Variants in MFN1 observed in about 807,000 individuals in gnomAD.
The protein encoded by MFN1 is mitofusin-1.
Under a neutral mutation model 92.4 loss-of-function variants are expected in MFN1, and 65 were observed. The ratio of observed to expected loss-of-function variants is 0.70; its 90% CI spans 0.58 to 0.86. The LOEUF is 0.86. Ranked by LOEUF, MFN1 falls within the 40% of genes least tolerant of loss-of-function variation. The pLI is 0.00. For missense variants in MFN1, 781 were observed against 868.0 expected, an observed-to-expected ratio of 0.90 and a Z score of 1.26; for synonymous variants, 297 against 300.9, an observed-to-expected ratio of 0.99 and a Z score of 0.13.
Position 179,386,449 on chromosome 3 carries a change from G to C in MFN1, c.1832G>C (p.Gly611Ala). 6.2e-7 allele frequency: 1 copy of C among 1,612,136 alleles called. No homozygotes were observed. The highest frequency in any genetic ancestry group is 8.5e-7 in the Non-Finnish European group (1 of 1,179,442). Residue 611 changes from glycine (G) to alanine (A), a missense_variant, in exon 16 of 18, where the codon GGC becomes GCC. Physicochemically the swap from Gly to Ala is moderately conservative, Grantham distance 60. Coordinates refer to ENST00000471841, the MANE Select transcript of MFN1 (RefSeq NM_033540.3). ...IVGGVIWKTI[G>A]WKLLSVSLTM... The stretch of plus-strand genomic sequence containing the variant: ...ATCTTACAGATTTGGAAAACTATAG[G>C]CTGGAAACTCCTATCTGTTTCATTA...
intron 6 of MFN1, 48 bp downstream of exon 6, chr3:179,364,453 G>T (rs763026269): frequency 5.8e-6 from 8 of 1,386,356 alleles, no homozygotes; most frequent in Non-Finnish European, 8.2e-6. Flanking sequence ...AAATGAAATG[G>T]TATCTGTTTT....
intron 1 of MFN1, 131 bp from the exon 2 acceptor site, chr3:179,348,714 G>C (rs1712018521): frequency 1.5e-6 from 2 of 1,373,594 alleles, no homozygotes; most frequent in Non-Finnish European, 1.9e-6. Flanking sequence ...TCCCAAAAAA[G>C]AATTACCTAA....
Position 179,362,424 on chromosome 3 carries a change from G to C in MFN1, c.478G>C (p.Val160Leu). 1.9e-6 allele frequency: 3 copies of C among 1,613,820 alleles called. No homozygotes were observed. The highest frequency in any genetic ancestry group is 2.5e-6 in the Non-Finnish European group (3 of 1,179,972). The change falls in exon 5 of 18, where the codon GTG becomes CTG. Residue 160 changes from valine to leucine, a missense_variant. Coordinates refer to ENST00000471841, the MANE Select transcript of MFN1 (RefSeq NM_033540.3). ...KDLKAGCLVR[V>L]FWPKAKCALL... is the part of the protein sequence containing the mutation. ...TTTGAAAGCTGGCTGTCTTGTACGT[G>C]TGTTTTGGCCAAAAGCAAAATGTGC...
intron 7 of MFN1, 92 bp from the exon 8 acceptor site, chr3:179,367,347 T>A: frequency 1.9e-6 from 2 of 1,049,124 alleles, no homozygotes; most frequent in South Asian, 4.3e-5. Context: ...TTTTATTATA[T>A]CACTGTGAAT....
intron 9 of MFN1, among the ~76,000 whole-genome samples, chr3:179,371,017 GCTTA>G (rs1361519455): frequency 6.6e-6 from 1 of 152,112 alleles, no homozygotes. Flanking sequence ...TTGGGGATTT[GCTTA>G]CTTTTTTTTG....
chr3:179,384,476 T>G (rs538046210), intron 14 of MFN1, among the ~76,000 whole-genome samples: 3,897 of 152,292 alleles, frequency 0.026, 185 homozygotes, highest in African/African-American at 0.089. Flanking sequence ...TTCAAAGCTT[T>G]TACCTATTTT....
In MFN1 at chr3:179,394,083, A is replaced by C. The variant is rs1714003814; in HGVS notation, c.*2024A>C. On this transcript the variant is annotated 3_prime_UTR_variant, in exon 18 of 18. Transcript: ENST00000471841. Reference sequence around the variant, plus strand: ...GGCTGGTCTTGAACTCACAGACTCAAGTGATCCTTTTACCTCAGCCTCCCA... The same window carrying C: ...GGCTGGTCTTGAACTCACAGACTCACGTGATCCTTTTACCTCAGCCTCCCA... The C allele has an allele frequency of 1.3e-5, 2 of 152,198 alleles. No individual in the cohort carries two copies. Among genetic ancestry groups the C allele is most frequent in the Non-Finnish European group, 2.9e-5 (2 of 68,066 alleles). 9.4% of individuals were successfully genotyped at this position (152,198 alleles called of 1,614,324 possible).
rs1711972383 is a variant in MFN1, at chr3:179,347,813, G to C, written c.-8+3G>C. On this transcript the variant is annotated splice_donor_region_variant and intron_variant, in intron 1 of 17. Transcript: ENST00000471841. Reference sequence around the variant, plus strand: ...GGGTGATAGTTGGAGCGGAGACTGTGAGTGCCGGCTGCCTCGACAGCACGT... The same window carrying C: ...GGGTGATAGTTGGAGCGGAGACTGTCAGTGCCGGCTGCCTCGACAGCACGT... The C allele has an allele frequency of 6.6e-6, 1 of 152,378 alleles. No homozygotes were observed. Among genetic ancestry groups the C allele is most frequent in the Admixed American group, 6.5e-5 (1 of 15,294 alleles). The allele number at this position is 152,378 out of a possible 1,614,324, so 9.4% of individuals were successfully genotyped here. A position where few individuals can be genotyped will look rare whatever the true frequency, so the allele number is the denominator to read the frequency against.
rs1712836606 is a variant in MFN1, at chr3:179,367,401, A to C, written c.754-38A>C. 4 of 1,563,510 alleles carry C rather than the reference A, an allele frequency of 2.6e-6. No individual in the cohort carries two copies. In the South Asian group the frequency reaches 4.7e-5, roughly 18 times the overall value. ...TAGTCGTTGGTTATTATATTTGTTTAAATTATTAGAATTCTTTTAATACCG... is the reference window on the plus strand; with the variant it reads ...TAGTCGTTGGTTATTATATTTGTTTCAATTATTAGAATTCTTTTAATACCG... On this transcript the variant is annotated intron_variant, in intron 7 of 17. Transcript: ENST00000471841.
chr3:179,369,949 A>C (rs1247572503), intron 9 of MFN1, among the ~76,000 whole-genome samples: 2 of 152,200 alleles, frequency 1.3e-5, no homozygotes, highest in Non-Finnish European at 2.9e-5. Flanking sequence ...TTAGAGTTTG[A>C]AAATTTTAAG....
At chr3:179,356,103 A>T (rs1333927882) in intron 3 of MFN1, among the ~76,000 whole-genome samples, 1 of 152,236 alleles carries the variant, frequency 6.6e-6, no homozygotes, top group Non-Finnish European at 1.5e-5. Context: ...TCTTGTTTTC[A>T]TAATGAGCCC....
intron 9 of MFN1, among the ~76,000 whole-genome samples, chr3:179,374,198 G>C (rs556755526): frequency 6.6e-6 from 1 of 151,012 alleles, no homozygotes; most frequent in African/African-American, 2.4e-5. Context: ...AGCTACTTGG[G>C]AGGCTAAAGT....
chr3:179,391,119 G>C (rs1016051144), intron 17 of MFN1, among the ~76,000 whole-genome samples: 2 of 149,756 alleles, frequency 1.3e-5, no homozygotes, highest in Admixed American at 6.6e-5. Flanking sequence ...AAACTGTGCA[G>C]TAGAAATTGG....
chr3:179,363,957 T>C (rs1262036910), intron 5 of MFN1, among the ~76,000 whole-genome samples: 1 of 152,154 alleles, frequency 6.6e-6, no homozygotes, highest in Non-Finnish European at 1.5e-5. Context: ...CCTAGTACAG[T>C]TGGTATATTA....
At chr3:179,380,971 C>G (rs1713443452) in intron 14 of MFN1, among the ~76,000 whole-genome samples, 1 of 152,128 alleles carries the variant, frequency 6.6e-6, no homozygotes, top group Non-Finnish European at 1.5e-5. Context: ...CTTCAGAGTC[C>G]ATCCGTAAGC....
intron 9 of MFN1, 27 bp from the exon 10 acceptor site, chr3:179,375,193 A>C (rs1577011541): frequency 6.3e-7 from 1 of 1,583,356 alleles, no homozygotes; most frequent in African/African-American, 1.4e-5. Flanking sequence ...AATTACAGTA[A>C]TGTGTTACGG....
chr3:179,385,707 A>C lies in MFN1; in HGVS notation c.1801A>C (p.Ile601Leu), dbSNP rs1156286208. The C allele has an allele frequency of 4.3e-6, 7 of 1,613,064 alleles. No individual in the cohort carries two copies. The East Asian group carries it at 1.6e-4, about 36-fold the overall frequency. Reference protein sequence around the residue: ...VTSRTSMGIIIVGGVIWKTIG... With the variant: ...VTSRTSMGIILVGGVIWKTIG... ...ATCTAGAACTTCTATGGGCATCATTATTGTTGGAGGAGTGGTAAGAAACAT... is the reference window on the plus strand; with the variant it reads ...ATCTAGAACTTCTATGGGCATCATTCTTGTTGGAGGAGTGGTAAGAAACAT... The change falls in exon 15 of 18, where the codon ATT (isoleucine) becomes CTT (leucine). Residue 601 changes from isoleucine (I) to leucine (L), a missense_variant. Transcript: ENST00000471841.
At chr3:179,349,083 C>T in intron 2 of MFN1, 120 bp downstream of exon 2, 1 of 689,168 alleles carries the variant, frequency 1.5e-6, no homozygotes, top group Non-Finnish European at 2.2e-6. Flanking sequence ...ATGAGAAGTA[C>T]CATAATGAAT....
At chr3:179,352,980 G>T (rs1201465155) in intron 3 of MFN1, among the ~76,000 whole-genome samples, 1 of 151,824 alleles carries the variant, frequency 6.6e-6, no homozygotes, top group African/African-American at 2.4e-5. Context: ...TTGAACTCCT[G>T]ACCTCAGGTG....
Sources: allele counts gnomAD v4.1 joint callset (sites outside exome capture counted in the v4.1 genomes callset), GRCh38; gene constraint gnomAD v4.1.1; transcripts MANE v1.5; gene names NCBI Gene and HGNC (gene_info 2026-07-23, HGNC 2026-07-21).